Variants in GPR149 observed in about 807,000 individuals in gnomAD.
GPR149 encodes the protein probable G protein-coupled receptor 149.
In GPR149, 50 loss-of-function variants were observed where a neutral mutation model predicts 50.2. The observed-to-expected ratio is 1.00, with a 90% confidence interval of 0.79 to 1.26. The LOEUF is 1.26. Ranked by LOEUF, GPR149 falls within the 50% of genes most tolerant of loss-of-function variation. The pLI, the probability that GPR149 is intolerant of heterozygous loss-of-function variation, is 0.00. For missense variants in GPR149, 983 were observed against 895.4 expected, an observed-to-expected ratio of 1.10 and a Z score of -1.25; for synonymous variants, 405 against 358.2, an observed-to-expected ratio of 1.13 and a Z score of -1.48.
chr3:154,387,821 T>C (rs1038494470), intron 3 of GPR149, among the ~76,000 whole-genome samples: 1 of 151,982 alleles, frequency 6.6e-6, no homozygotes. Context: ...ACAAAACAAA[T>C]CAAAACTGGA....
intron 3 of GPR149, among the ~76,000 whole-genome samples, chr3:154,399,696 G>A (rs1338965608): frequency 6.6e-6 from 1 of 152,152 alleles, no homozygotes; most frequent in Non-Finnish European, 1.5e-5. Flanking sequence ...AAAACTGTTA[G>A]AAGTTGAAGG....
chr3:154,381,593 C>T (rs926378238), intron 3 of GPR149, among the ~76,000 whole-genome samples: 1 of 151,886 alleles, frequency 6.6e-6, no homozygotes, highest in Non-Finnish European at 1.5e-5. Flanking sequence ...TGTTTCATAC[C>T]ATACCAGAAA....
At chr3:154,353,447 T>A in intron 3 of GPR149, 1 of 976,162 alleles carries the variant, frequency 1.0e-6, no homozygotes. Flanking sequence ...AATCTAAATC[T>A]AACGTTTGAT....
chr3:154,414,392 A>G (rs957267784), intron 3 of GPR149, among the ~76,000 whole-genome samples: 4 of 152,074 alleles, frequency 2.6e-5, no homozygotes, highest in Non-Finnish European at 5.9e-5. Context: ...ATTATTCATA[A>G]TATACAAAGA....
chr3:154,389,611 G>A (rs1715118836), intron 3 of GPR149, among the ~76,000 whole-genome samples: 1 of 152,062 alleles, frequency 6.6e-6, no homozygotes, highest in South Asian at 2.1e-4. Context: ...AAGCAGCCCA[G>A]CTCAGCACAA....
At chr3:154,364,521 C>T (rs1364761080) in intron 3 of GPR149, among the ~76,000 whole-genome samples, 1 of 152,180 alleles carries the variant, frequency 6.6e-6, no homozygotes, top group Non-Finnish European at 1.5e-5. Context: ...AGCTATGAGC[C>T]TGTGAAATCA....
intron 3 of GPR149, among the ~76,000 whole-genome samples, chr3:154,376,617 T>C (rs1372114072): frequency 6.6e-6 from 1 of 152,256 alleles, no homozygotes; most frequent in African/African-American, 2.4e-5. Context: ...TCATATAATG[T>C]GTTCACATAT....
chr3:154,389,541 A>G (rs1488417836), intron 3 of GPR149, among the ~76,000 whole-genome samples: 1 of 152,102 alleles, frequency 6.6e-6, no homozygotes, highest in Non-Finnish European at 1.5e-5. Flanking sequence ...CAGGAACACT[A>G]CAGCCACCTG....
chr3:154,345,834 A>G (rs1713914125), intron 3 of GPR149, among the ~76,000 whole-genome samples: 1 of 152,190 alleles, frequency 6.6e-6, no homozygotes, highest in Non-Finnish European at 1.5e-5. Context: ...GGATCATGGC[A>G]CTTATCAGAA....
chr3:154,372,713 T>A (rs1714692704), intron 3 of GPR149, among the ~76,000 whole-genome samples: 1 of 152,110 alleles, frequency 6.6e-6, no homozygotes, highest in African/African-American at 2.4e-5. Flanking sequence ...TGAGAAATAG[T>A]GGCTATAATG....
chr3:154,349,530 A>C (rs1219386617), intron 3 of GPR149, among the ~76,000 whole-genome samples: 1 of 152,224 alleles, frequency 6.6e-6, no homozygotes, highest in Non-Finnish European at 1.5e-5. Context: ...AAACTACTAC[A>C]ATGTGCCAAA....
intron 3 of GPR149, chr3:154,353,461 C>A: frequency 1.1e-6 from 1 of 933,566 alleles, no homozygotes; most frequent in South Asian, 1.3e-5. Flanking sequence ...GTTTGATCCA[C>A]TTCATCAAGC....
chr3:154,358,379 CT>C (rs1714295359), intron 3 of GPR149, among the ~76,000 whole-genome samples: 1 of 152,088 alleles, frequency 6.6e-6, no homozygotes, highest in Admixed American at 6.5e-5. Context: ...CATTCTATGG[CT>C]ATTTTGGCAA....
chr3:154,338,150 A>AT lies in GPR149; in HGVS notation c.1744dup (p.Ile582AsnfsTer6). 1.2e-6 allele frequency: 2 copies of AT among 1,614,006 alleles called. No individual in the cohort carries two copies. Among genetic ancestry groups the AT allele is most frequent in the Non-Finnish European group, 1.7e-6 (2 of 1,179,982 alleles). On this transcript the variant is annotated frameshift_variant, in exon 4 of 4. Coordinates refer to ENST00000389740, the MANE Select transcript of GPR149 (RefSeq NM_001038705.3). LOFTEE classifies it high-confidence loss of function. ...TTCTATTTTCTTAGAGGCTGGAGTT[A>AT]TTTTTTGCCCTTCTGCGCTTACCTC...
chr3:154,392,637 A>C (rs1470841348), intron 3 of GPR149, among the ~76,000 whole-genome samples: 1 of 151,834 alleles, frequency 6.6e-6, no homozygotes, highest in Admixed American at 6.6e-5. Context: ...AATGGACAAA[A>C]GTAAGAGTTT....
chr3:154,383,575 A>T (rs974673219), intron 3 of GPR149, among the ~76,000 whole-genome samples: 1 of 152,146 alleles, frequency 6.6e-6, no homozygotes, highest in Non-Finnish European at 1.5e-5. Context: ...CAAGTCATTT[A>T]TGGACACTTC....
intron 3 of GPR149, among the ~76,000 whole-genome samples, chr3:154,388,875 C>CAT (rs1470837918): frequency 1.7e-4 from 25 of 150,416 alleles, no homozygotes; most frequent in Admixed American, 6.6e-4. Context: ...ATGAAAAACA[C>CAT]ACACACACAC....
rs553556800 is a variant in GPR149 at position 154,383,193 on chromosome 3, T to C, written c.1623+37846A>G. On this transcript the variant is annotated intron_variant, in intron 3 of 3. Transcript: ENST00000389740. ...TGAAAATAAATAGTGAGGCTGGATCTGTAGAAGATTAAATGAGTTGACCCA... is the reference window on the plus strand; with the variant it reads ...TGAAAATAAATAGTGAGGCTGGATCCGTAGAAGATTAAATGAGTTGACCCA... 2.9e-4 allele frequency among the ~76,000 whole-genome samples: 44 copies of C among 152,298 alleles called. 1 individual carries two copies. The South Asian group carries it at 8.1e-3, about 28-fold the overall frequency.
chr3:154,425,978 C>G (rs1452385542), intron 2 of GPR149, among the ~76,000 whole-genome samples: 2 of 152,010 alleles, frequency 1.3e-5, no homozygotes, highest in Non-Finnish European at 2.9e-5. Context: ...ACTAGACCAT[C>G]CTTCTCACAA....
Sources: gnomAD v4.1 joint callset for allele counts (sites outside exome capture counted in the v4.1 genomes callset) on GRCh38, gnomAD v4.1.1 for gene constraint, MANE v1.5 for transcripts, NCBI Gene and HGNC (gene_info 2026-07-23, HGNC 2026-07-21) for gene names.